The following NAALADL2 variants were observed in gnomAD, a reference collection of about 807,000 sequenced individuals.
NAALADL2 encodes N-acetylated alpha-linked acidic dipeptidase like 2, also known as inactive N-acetylated-alpha-linked acidic dipeptidase-like protein 2.
A neutral mutation model predicts 87.2 loss-of-function variants in NAALADL2; 76 were observed. That is an observed-to-expected ratio of 0.87 (90% CI 0.72 to 1.05). The LOEUF (loss-of-function observed/expected upper bound fraction) is 1.05, where lower values mean the gene tolerates loss of function less well. Ranked by LOEUF, NAALADL2 falls within the 50% of genes least tolerant of loss-of-function variation. The pLI, the probability that NAALADL2 is intolerant of heterozygous loss-of-function variation, is 0.00. For missense variants in NAALADL2, 1,089 were observed against 945.8 expected, an observed-to-expected ratio of 1.15 and a Z score of -1.99; for synonymous variants, 354 against 331.0, an observed-to-expected ratio of 1.07 and a Z score of -0.75.
intron 2 of NAALADL2, among the ~76,000 whole-genome samples, chr3:174,605,319 G>A (rs1718896711): frequency 6.6e-6 from 1 of 152,164 alleles, no homozygotes; most frequent in Non-Finnish European, 1.5e-5. Context: ...GGGCGCGCAG[G>A]ACAGTGGGTG....
intron 3 of NAALADL2, among the ~76,000 whole-genome samples, chr3:174,806,785 C>G (rs758887445): frequency 9.2e-5 from 14 of 152,100 alleles, no homozygotes; most frequent in Non-Finnish European, 1.3e-4. Context: ...CTATGTATAT[C>G]CAAATATCTT....
chr3:175,342,365 T>C (rs1177022431), intron 5 of NAALADL2, among the ~76,000 whole-genome samples: 2 of 152,084 alleles, frequency 1.3e-5, no homozygotes, highest in Non-Finnish European at 2.9e-5. Flanking sequence ...GATAAAATAA[T>C]AAGCTGAGTC....
intron 1 of NAALADL2, among the ~76,000 whole-genome samples, chr3:174,497,120 G>A (rs1033111985): frequency 8.5e-5 from 13 of 152,156 alleles, no homozygotes; most frequent in Admixed American, 3.9e-4. Flanking sequence ...TCTTGGAGGC[G>A]TAGATGATAT....
chr3:175,735,834 A>G (rs1744427988), intron 11 of NAALADL2, among the ~76,000 whole-genome samples: 1 of 152,198 alleles, frequency 6.6e-6, no homozygotes, highest in African/African-American at 2.4e-5. Flanking sequence ...CACCTTGTTG[A>G]ATATATATAT....
intron 2 of NAALADL2, among the ~76,000 whole-genome samples, chr3:175,113,032 C>T (rs747280483): frequency 2.0e-5 from 3 of 151,408 alleles, no homozygotes; most frequent in Non-Finnish European, 3.0e-5. Flanking sequence ...CCTTTTTTGA[C>T]AAAAGATTAG....
rs115961598 is a variant in NAALADL2, at chr3:175,725,463, T to A, written c.1897-11843T>A. 2.7e-3 allele frequency among the ~76,000 whole-genome samples: 417 copies of A among 152,248 alleles called. 1 individual carries two copies. Among genetic ancestry groups the A allele is most frequent in the African/African-American group, 9.7e-3 (403 of 41,570 alleles). On this transcript the variant is annotated intron_variant, in intron 11 of 13. Coordinates refer to ENST00000454872, the MANE Select transcript of NAALADL2 (RefSeq NM_207015.3). Reference sequence around the variant, plus strand: ...AAAGCAGGATCTACAGACATGAGAATTAGCATTGGAATGTATCAAAAGTTA... The same window carrying A: ...AAAGCAGGATCTACAGACATGAGAAATAGCATTGGAATGTATCAAAAGTTA...
intron 2 of NAALADL2, among the ~76,000 whole-genome samples, chr3:174,728,973 TAA>T (rs2108975906): frequency 6.6e-6 from 1 of 152,226 alleles, no homozygotes; most frequent in Admixed American, 6.5e-5. Flanking sequence ...CCTAGAAGGC[TAA>T]AGCTAAGTAA....
At chr3:174,948,208 G>T (rs534363439) in intron 1 of NAALADL2, among the ~76,000 whole-genome samples, 3 of 148,090 alleles carry the variant, frequency 2.0e-5, no homozygotes, top group Admixed American at 1.3e-4. Context: ...ATGGAGTCTT[G>T]CTCTGTCGCC....
chr3:174,890,974 AT>A lies in NAALADL2; in HGVS notation c.43+31525del, dbSNP rs147030579. Reference sequence around the variant, plus strand: ...TGAATAAGAAAATTATTTTTTTATTATGATAGGAAACTATCTCTTCTAAATA... The same window carrying A: ...TGAATAAGAAAATTATTTTTTTATTAGATAGGAAACTATCTCTTCTAAATA... On this transcript the variant is annotated intron_variant, in intron 1 of 13. Transcript: ENST00000454872. 3.9e-3 allele frequency among the ~76,000 whole-genome samples: 589 copies of A among 152,206 alleles called. 3 individuals are homozygous for A. The highest frequency in any genetic ancestry group is 7.1e-3 in the Non-Finnish European group (486 of 67,994).
chr3:174,887,960 A>G (rs1207278128), intron 1 of NAALADL2, among the ~76,000 whole-genome samples: 1 of 152,200 alleles, frequency 6.6e-6, no homozygotes, highest in East Asian at 1.9e-4. Context: ...CTGATGATCA[A>G]AGTTATAAAA....
chr3:174,867,884 C>T (rs905827686), intron 1 of NAALADL2, among the ~76,000 whole-genome samples: 1 of 151,938 alleles, frequency 6.6e-6, no homozygotes, highest in Non-Finnish European at 1.5e-5. Context: ...TTTATTCCTC[C>T]TCATTTTCTC....
intron 2 of NAALADL2, among the ~76,000 whole-genome samples, chr3:175,130,091 C>A (rs575794487): frequency 1.4e-3 from 209 of 152,124 alleles, no homozygotes; most frequent in Non-Finnish European, 2.4e-3. Context: ...TACTTGTTGG[C>A]CATTTTTATA....
chr3:175,678,969 G>A (rs915565332), intron 11 of NAALADL2, among the ~76,000 whole-genome samples: 36 of 152,090 alleles, frequency 2.4e-4, no homozygotes, highest in African/African-American at 8.5e-4. Context: ...AAGGGAGACA[G>A]GGATGGGGCC....
chr3:175,210,679 A>G (rs544890235), intron 2 of NAALADL2, among the ~76,000 whole-genome samples: 2 of 151,688 alleles, frequency 1.3e-5, no homozygotes, highest in South Asian at 2.1e-4. Flanking sequence ...AGGTTTAAAA[A>G]CTTCCCTCAA....
At chr3:175,660,357 GC>G (rs1207122862) in intron 11 of NAALADL2, among the ~76,000 whole-genome samples, 10 of 152,086 alleles carry the variant, frequency 6.6e-5, no homozygotes, top group Admixed American at 1.3e-4. Flanking sequence ...TCACAATGAT[GC>G]TATGTCAGAC....
At chr3:175,776,994 A>C (rs1053607254) in intron 13 of NAALADL2, among the ~76,000 whole-genome samples, 2 of 151,942 alleles carry the variant, frequency 1.3e-5, no homozygotes, top group Non-Finnish European at 2.9e-5. Context: ...GTTAGAAAAC[A>C]TTCTCAGGCA....
intron 1 of NAALADL2, among the ~76,000 whole-genome samples, chr3:174,859,966 G>A (rs1351178216): frequency 1.3e-5 from 2 of 152,098 alleles, no homozygotes; most frequent in Non-Finnish European, 2.9e-5. Context: ...AGGAGGCTGT[G>A]ATTTATTTCA....
chr3:174,767,936 T>C (rs2109096517), intron 3 of NAALADL2, among the ~76,000 whole-genome samples: 1 of 152,320 alleles, frequency 6.6e-6, no homozygotes. Context: ...GGTTACAATC[T>C]AAGCCAGCAA....
Position 175,061,304 on chromosome 3 carries a change from C to A in NAALADL2, c.44-35486C>A, listed in dbSNP as rs144392478. 4.9e-4 allele frequency among the ~76,000 whole-genome samples: 75 copies of A among 152,148 alleles called. No individual in the cohort carries two copies. In the East Asian group the frequency reaches 0.013, roughly 27 times the overall value. On this transcript the variant is annotated intron_variant, in intron 1 of 13. Transcript: ENST00000454872. ...ATAAGTCAATAATGATTTTAAGCAG[C>A]AAGGAAAGCATTTTATAAGCAGAAT...
Sources: gnomAD v4.1 joint callset for allele counts (sites outside exome capture counted in the v4.1 genomes callset) on GRCh38, gnomAD v4.1.1 for gene constraint, MANE v1.5 for transcripts, NCBI Gene and HGNC (gene_info 2026-07-23, HGNC 2026-07-21) for gene names.